The following UCK2 variants were observed in gnomAD, a reference collection of about 807,000 sequenced individuals.
The protein encoded by UCK2 is uridine-cytidine kinase 2.
A neutral mutation model predicts 30.8 loss-of-function variants in UCK2; 6 were observed. The observed-to-expected ratio is 0.19, with a 90% CI of 0.11 to 0.38. The LOEUF (loss-of-function observed/expected upper bound fraction) is 0.38, where lower values mean the gene tolerates loss of function less well. Ranked by LOEUF, UCK2 falls within the 10% of genes least tolerant of loss-of-function variation. UCK2 has a pLI of 1.00. For missense variants in UCK2, 210 were observed against 339.8 expected (o/e 0.62, Z 3.00); for synonymous variants, 125 against 133.6 (o/e 0.94, Z 0.45).
chr1:165,855,087 T>C (rs1654707285), intron 1 of UCK2, among the ~76,000 whole-genome samples: 1 of 152,138 alleles, frequency 6.6e-6, no homozygotes. Context: ...TTGTAAGGAG[T>C]GCAGATGGTT....
chr1:165,901,286 G>A (rs3790668), intron 4 of UCK2, among the ~76,000 whole-genome samples: 44,304 of 152,076 alleles, frequency 0.29, 6,687 homozygotes, highest in South Asian at 0.47. Flanking sequence ...TTCGTAAATC[G>A]AGGAGCTGTT....
chr1:165,905,352 C>T (rs1571303125), intron 5 of UCK2, among the ~76,000 whole-genome samples: 2 of 151,936 alleles, frequency 1.3e-5, no homozygotes, highest in Non-Finnish European at 2.9e-5. Context: ...GGTGTGGTGG[C>T]GGGTGCCTGT....
At chr1:165,904,820 T>G (rs1230587775) in intron 5 of UCK2, among the ~76,000 whole-genome samples, 1 of 152,222 alleles carries the variant, frequency 6.6e-6, no homozygotes, top group African/African-American at 2.4e-5. Context: ...AGACTTAGTT[T>G]GTATGCCAGG....
chr1:165,883,072 ACT>A (rs1655539313), intron 1 of UCK2, among the ~76,000 whole-genome samples: 1 of 151,962 alleles, frequency 6.6e-6, no homozygotes, highest in South Asian at 2.1e-4. Context: ...GATCTGCCTG[ACT>A]CGGCCTCTCA....
At position 165,827,872 on chromosome 1, in the gene UCK2, G is replaced by C; in HGVS notation, c.39G>C (p.Gln13His). ...GDSEQTLQNH[Q>H]QPNGGEPFLI... ...GCGAGCAGACCCTGCAGAACCACCA[G>C]CAGCCCAACGGCGGCGAGCCCTTCC... Residue 13 changes from glutamine (Q) to histidine (H), a missense_variant, in exon 1 of 7, where the codon CAG becomes CAC. Gln to His is a conservative substitution (Grantham distance 24). Around this residue, in one of 4 missense-constraint regions of UCK2, gnomAD observed 50 missense variants for 41.0 expected, o/e 1.22. Transcript: ENST00000367879. 6.7e-7 allele frequency: 1 copy of C among 1,482,220 alleles called. No homozygotes were observed. The highest frequency in any genetic ancestry group is 9.0e-7 in the Non-Finnish European group (1 of 1,109,630). The allele number at this position is 1,482,220 out of a possible 1,614,324, so 91.8% of individuals were successfully genotyped here. A position where few individuals can be genotyped will look rare whatever the true frequency, so the allele number is the denominator to read the frequency against.
chr1:165,883,750 C>T (rs992915255), intron 1 of UCK2, among the ~76,000 whole-genome samples: 1 of 152,162 alleles, frequency 6.6e-6, no homozygotes, highest in African/African-American at 2.4e-5. Context: ...GGTCCCCTTC[C>T]ATGCTGTGGA....
intron 1 of UCK2, among the ~76,000 whole-genome samples, chr1:165,861,627 C>CAAAAA (rs1223282712): frequency 2.5e-3 from 40 of 15,718 alleles, no homozygotes; most frequent in Non-Finnish European, 4.1e-3. Context: ...GACTCCGTCT[C>CAAAAA]AAAAAAAAAA....
intron 4 of UCK2, among the ~76,000 whole-genome samples, chr1:165,901,504 C>T (rs927807372): frequency 4.6e-5 from 7 of 152,104 alleles, no homozygotes; most frequent in Non-Finnish European, 1.0e-4. Flanking sequence ...TCAGAAGTTC[C>T]GTCACAGATA....
intron 5 of UCK2, among the ~76,000 whole-genome samples, chr1:165,903,741 T>C (rs1647561952): frequency 6.6e-6 from 1 of 152,186 alleles, no homozygotes; most frequent in African/African-American, 2.4e-5. Flanking sequence ...TTTGAGCTTG[T>C]CTTTAGCTCC....
At chr1:165,873,236 A>T (rs1347106064) in intron 1 of UCK2, among the ~76,000 whole-genome samples, 1 of 152,216 alleles carries the variant, frequency 6.6e-6, no homozygotes, top group Non-Finnish European at 1.5e-5. Flanking sequence ...ATACAATAAA[A>T]TGTAGTTATC....
intron 3 of UCK2, among the ~76,000 whole-genome samples, chr1:165,894,909 G>T (rs1655855595): frequency 6.6e-6 from 1 of 152,178 alleles, no homozygotes; most frequent in Admixed American, 6.5e-5. Context: ...GCTAGTCAGG[G>T]TGAGTGGAAA....
In UCK2 at chr1:165,869,658, C is replaced by CTTT. The variant is rs1557840808; in HGVS notation, c.100-20546_100-20545insTTT. Among the ~76,000 whole-genome samples, 278 of 66,750 alleles carry CTTT rather than the reference C, an allele frequency of 4.2e-3. 2 individuals are homozygous for CTTT. Among genetic ancestry groups the CTTT allele is most frequent in the African/African-American group, 0.014 (271 of 19,852 alleles). 43.8% of individuals were successfully genotyped at this position (66,750 alleles called of 152,430 possible). On this transcript the variant is annotated intron_variant, in intron 1 of 6. Coordinates refer to ENST00000367879, the MANE Select transcript of UCK2 (RefSeq NM_012474.5). ...GTATGAAAGAGAATCTCATCATGGGCCTTTTTTTTTTTTTTTTTTTTTTTA... is the reference window on the plus strand; with the variant it reads ...GTATGAAAGAGAATCTCATCATGGGCTTTCTTTTTTTTTTTTTTTTTTTTTTTA...
intron 1 of UCK2, among the ~76,000 whole-genome samples, chr1:165,854,913 G>C (rs1654692306): frequency 6.6e-6 from 1 of 152,138 alleles, no homozygotes. Flanking sequence ...GAACATAACT[G>C]AGAAGAATTT....
intron 1 of UCK2, among the ~76,000 whole-genome samples, chr1:165,864,187 A>T (rs1317087188): frequency 6.6e-6 from 1 of 152,172 alleles, no homozygotes; most frequent in Non-Finnish European, 1.5e-5. Flanking sequence ...ACCTCAGGTG[A>T]TCCACCCGCC....
At chr1:165,851,900 T>G (rs1654606947) in intron 1 of UCK2, among the ~76,000 whole-genome samples, 1 of 152,204 alleles carries the variant, frequency 6.6e-6, no homozygotes, top group Non-Finnish European at 1.5e-5. Flanking sequence ...GCTTCACCCA[T>G]GTCCCTGCAA....
intron 1 of UCK2, among the ~76,000 whole-genome samples, chr1:165,850,031 A>G (rs925592875): frequency 6.6e-6 from 1 of 152,238 alleles, no homozygotes; most frequent in Non-Finnish European, 1.5e-5. Flanking sequence ...TAGTGAGAAG[A>G]ACTTGAGATC....
At chr1:165,879,826 A>G (rs1009620734) in intron 1 of UCK2, among the ~76,000 whole-genome samples, 2 of 152,214 alleles carry the variant, frequency 1.3e-5, no homozygotes, top group African/African-American at 4.8e-5. Flanking sequence ...GCTATGAAGA[A>G]TAAATAATAA....
intron 1 of UCK2, among the ~76,000 whole-genome samples, chr1:165,861,912 G>A (rs1654919111): frequency 2.0e-5 from 3 of 152,108 alleles, no homozygotes; most frequent in Admixed American, 6.5e-5. Context: ...TTTAATTTCA[G>A]CAAATTATGT....
At chr1:165,894,659 C>G (rs1465372800) in intron 3 of UCK2, 1 of 152,014 alleles carries the variant, frequency 6.6e-6, no homozygotes, top group East Asian at 1.9e-4. Context: ...ATTTCCTAAT[C>G]CTAGTCCTTT....
Sources: allele counts gnomAD v4.1 joint callset (sites outside exome capture counted in the v4.1 genomes callset), GRCh38; gene constraint gnomAD v4.1.1; regional missense constraint gnomAD v4.1.1; transcripts MANE v1.5; gene names NCBI Gene and HGNC (gene_info 2026-07-23, HGNC 2026-07-21).